Variants in NAV2 observed in about 807,000 individuals in gnomAD.
NAV2 encodes neuron navigator 2, also known as helicase, APC down-regulated 1.
Under a neutral mutation model 223.2 loss-of-function variants are expected in NAV2, and 54 were observed. The ratio of observed to expected loss-of-function variants is 0.24; its 90% confidence interval spans 0.19 to 0.30. NAV2 has a LOEUF of 0.30. Among genes scored for constraint, NAV2 ranks in the 10% least tolerant of loss-of-function variants. The probability of loss-of-function intolerance (pLI) is 1.00; values close to 1 mark genes in which losing one functional copy is unlikely to be tolerated. For missense variants in NAV2, 2,806 were observed against 3,147.5 expected (o/e 0.89, Z 2.60); for synonymous variants, 1,279 against 1,239.3 (o/e 1.03, Z -0.67).
At chr11:20,020,764 C>T (rs2054432347) in intron 11 of NAV2, among the ~76,000 whole-genome samples, 1 of 152,050 alleles carries the variant, frequency 6.6e-6, no homozygotes, top group Non-Finnish European at 1.5e-5. Context: ...TCCAATGTAT[C>T]CTCTCTCCCT....
At chr11:19,681,245 C>G (rs1199054937) in intron 1 of NAV2, among the ~76,000 whole-genome samples, 2 of 152,206 alleles carry the variant, frequency 1.3e-5, no homozygotes, top group Non-Finnish European at 2.9e-5. Flanking sequence ...ATGTTTTGTC[C>G]TAACTGGATC....
chr11:19,835,895 T>C (rs1216750108), intron 2 of NAV2, among the ~76,000 whole-genome samples: 1 of 152,170 alleles, frequency 6.6e-6, no homozygotes, highest in Non-Finnish European at 1.5e-5. Flanking sequence ...CTCCTACTTA[T>C]TCTTGAAAAG....
intron 1 of NAV2, among the ~76,000 whole-genome samples, chr11:19,466,937 C>A (rs1285892895): frequency 1.3e-5 from 2 of 151,538 alleles, no homozygotes. Flanking sequence ...CTCTCTTTAT[C>A]AGCCATGATT....
chr11:19,749,990 T>G (rs1256013312), intron 1 of NAV2, among the ~76,000 whole-genome samples: 1 of 152,214 alleles, frequency 6.6e-6, no homozygotes, highest in Non-Finnish European at 1.5e-5. Context: ...AAAATTATAC[T>G]CTGATGTACT....
intron 1 of NAV2, among the ~76,000 whole-genome samples, chr11:19,515,867 T>C (rs889511079): frequency 6.6e-6 from 1 of 152,174 alleles, no homozygotes; most frequent in African/African-American, 2.4e-5. Context: ...GGATGAGGCA[T>C]GTGAGTGACA....
intron 1 of NAV2, among the ~76,000 whole-genome samples, chr11:19,365,567 G>A (rs538602341): frequency 2.0e-5 from 3 of 152,190 alleles, no homozygotes; most frequent in South Asian, 2.1e-4. Flanking sequence ...TACTAGACAG[G>A]AAATATTCAG....
At chr11:19,674,943 G>A (rs953064346) in intron 1 of NAV2, among the ~76,000 whole-genome samples, 1 of 152,084 alleles carries the variant, frequency 6.6e-6, no homozygotes, top group African/African-American at 2.4e-5. Flanking sequence ...ATGGAGTTTG[G>A]GTGAGAATCA....
At chr11:19,858,089 C>T (rs2061494258) in intron 3 of NAV2, among the ~76,000 whole-genome samples, 1 of 152,198 alleles carries the variant, frequency 6.6e-6, no homozygotes, top group African/African-American at 2.4e-5. Context: ...ATCTCCTGAC[C>T]TTGTGATCCA....
chr11:19,454,251 A>G (rs1851886178), intron 1 of NAV2, among the ~76,000 whole-genome samples: 1 of 152,176 alleles, frequency 6.6e-6, no homozygotes, highest in Admixed American at 6.5e-5. Context: ...TTTTGATGAT[A>G]CTGGGGCCTG....
At chr11:19,580,614 CA>C (rs2045688774) in intron 1 of NAV2, among the ~76,000 whole-genome samples, 1 of 152,142 alleles carries the variant, frequency 6.6e-6, no homozygotes, top group Non-Finnish European at 1.5e-5. Context: ...ATATTCAAAC[CA>C]TAGCAGCTAC....
rs537570254 is a variant in NAV2, at chr11:19,638,866, A to G, written c.76-193618A>G. ...AAGTTAGCCAGGCGTGGTGGCGCAC[A>G]CCTGTAATCCCAGCTACTCAGGAGG... On this transcript the variant is annotated intron_variant, in intron 1 of 37. Transcript: ENST00000360655. 1.8e-3 allele frequency among the ~76,000 whole-genome samples: 279 copies of G among 152,232 alleles called. 1 individual carries two copies. The highest frequency in any genetic ancestry group is 6.5e-3 in the African/African-American group (270 of 41,558).
intron 3 of NAV2, among the ~76,000 whole-genome samples, chr11:19,847,369 C>A (rs1254648559): frequency 2.0e-5 from 3 of 152,110 alleles, no homozygotes; most frequent in Non-Finnish European, 4.4e-5. Flanking sequence ...GCAAAAAAGC[C>A]CCAGGCCTGC....
intron 1 of NAV2, among the ~76,000 whole-genome samples, chr11:19,526,847 G>A (rs1414777660): frequency 6.6e-6 from 1 of 152,068 alleles, no homozygotes; most frequent in African/African-American, 2.4e-5. Flanking sequence ...GTCCATATCT[G>A]GAAAATACCA....
At chr11:19,484,792 G>T (rs1564975485) in intron 1 of NAV2, among the ~76,000 whole-genome samples, 1 of 152,238 alleles carries the variant, frequency 6.6e-6, no homozygotes, top group Admixed American at 6.5e-5. Context: ...ACCCACAGGT[G>T]TAAGGGAAAA....
At chr11:20,036,136 T>C (rs781610234) in intron 12 of NAV2, 39 bp downstream of exon 12, 2 of 1,613,190 alleles carry the variant, frequency 1.2e-6, no homozygotes, top group African/African-American at 2.7e-5. Flanking sequence ...TCCAGCAGCC[T>C]CTGGCAGCAG....
chr11:19,838,490 G>A (rs564837023), intron 2 of NAV2, among the ~76,000 whole-genome samples: 45 of 152,314 alleles, frequency 3.0e-4, no homozygotes, highest in African/African-American at 1.0e-3. Flanking sequence ...AGGCAAAGTC[G>A]GGCAGGGCCA....
chr11:19,832,715 T>C (rs963937635), intron 2 of NAV2, 114 bp downstream of exon 2: 1 of 794,300 alleles, frequency 1.3e-6, no homozygotes, highest in Non-Finnish European at 2.1e-6. Flanking sequence ...CTGTCTCATG[T>C]CTTGACAATT....
chr11:19,646,883 A>G (rs1433282896), intron 1 of NAV2, among the ~76,000 whole-genome samples: 1 of 152,160 alleles, frequency 6.6e-6, no homozygotes, highest in Non-Finnish European at 1.5e-5. Context: ...GAACTCAGAT[A>G]TGACTTATAC....
chr11:19,817,024 C>A (rs952988096), intron 1 of NAV2, among the ~76,000 whole-genome samples: 1 of 152,088 alleles, frequency 6.6e-6, no homozygotes, highest in Non-Finnish European at 1.5e-5. Context: ...TTTCAGGAAA[C>A]CTGACCCCTC....
Sources: allele counts gnomAD v4.1 joint callset (sites outside exome capture counted in the v4.1 genomes callset), GRCh38; gene constraint gnomAD v4.1.1; transcripts MANE v1.5; gene names NCBI Gene and HGNC (gene_info 2026-07-23, HGNC 2026-07-21).